XKR9: variants seen among roughly 807,000 people sequenced by gnomAD.
The protein encoded by XKR9 is XK related 9.
Under a neutral mutation model 32.0 loss-of-function variants are expected in XKR9, and 32 were observed. The ratio of observed to expected loss-of-function variants is 1.00; its 90% CI spans 0.76 to 1.34. XKR9 has a LOEUF of 1.34. XKR9 is among the 40% of genes most tolerant of loss of function. The pLI is 0.00. For synonymous variants in XKR9, 168 were observed against 143.4 expected (o/e 1.17, Z -1.22); for missense variants, 546 against 429.7 (o/e 1.27, Z -2.39).
the XKR9 span, among the ~76,000 whole-genome samples, chr8:70,818,785 A>T: frequency 3.9e-5 from 6 of 152,206 alleles, no homozygotes; most frequent in Non-Finnish European, 7.3e-5. Context: ...CTGCTAAGTC[A>T]TTACTAGGGA....
chr8:70,751,153 G>A (rs1300229805), intron 2 of XKR9, among the ~76,000 whole-genome samples: 3 of 152,128 alleles, frequency 2.0e-5, no homozygotes, highest in African/African-American at 7.2e-5. Context: ...TTTTGAGATG[G>A]AATCTCACTC....
the XKR9 span, among the ~76,000 whole-genome samples, chr8:70,932,537 A>G: frequency 3.3e-5 from 5 of 152,128 alleles, no homozygotes; most frequent in Admixed American, 2.6e-4. Context: ...AATTGCATGG[A>G]CCACTTCTGT....
chr8:71,042,507 C>T, the XKR9 span, among the ~76,000 whole-genome samples: 3 of 152,108 alleles, frequency 2.0e-5, no homozygotes, highest in Non-Finnish European at 4.4e-5. Flanking sequence ...GTCCCTACTG[C>T]AGGATGGCTA....
At chr8:70,727,103 G>A (rs1323583939) in intron 4 of XKR9, among the ~76,000 whole-genome samples, 1 of 152,022 alleles carries the variant, frequency 6.6e-6, no homozygotes, top group Non-Finnish European at 1.5e-5. Context: ...CTATATGGCT[G>A]GTATTATGGT....
chr8:70,815,516 T>TATTTATTTATTC, the XKR9 span, among the ~76,000 whole-genome samples: 1 of 149,562 alleles, frequency 6.7e-6, no homozygotes, highest in Non-Finnish European at 1.5e-5. Flanking sequence ...TTATTTTATT[T>TATTTATTTATTC]ATTTATTTAT....
At chr8:70,736,024 C>A (rs189406690), downstream of XKR9, 2 of 152,258 alleles carry the variant, frequency 1.3e-5, no homozygotes, top group East Asian at 1.9e-4. Flanking sequence ...TTCTAGATCC[C>A]TGAGGAATCA....
the XKR9 span, among the ~76,000 whole-genome samples, chr8:70,846,922 C>T: frequency 6.6e-6 from 1 of 151,954 alleles, no homozygotes; most frequent in African/African-American, 2.4e-5. Context: ...CAGCTTTAGA[C>T]AAATCATCTA....
At chr8:70,857,876 C>G in the XKR9 span, among the ~76,000 whole-genome samples, 4 of 152,238 alleles carry the variant, frequency 2.6e-5, no homozygotes, top group South Asian at 8.3e-4. Flanking sequence ...ACGTGATTAT[C>G]TCAATAGATG....
the XKR9 span, among the ~76,000 whole-genome samples, chr8:70,983,105 A>G: frequency 6.6e-6 from 1 of 152,240 alleles, no homozygotes; most frequent in Admixed American, 6.5e-5. Context: ...ATTACAGTGT[A>G]TCAGTAAACT....
chr8:70,857,958 A>T, the XKR9 span, among the ~76,000 whole-genome samples: 1 of 152,164 alleles, frequency 6.6e-6, no homozygotes, highest in Non-Finnish European at 1.5e-5. Flanking sequence ...TATTGATGGG[A>T]CGCATCTCAA....
the XKR9 span, among the ~76,000 whole-genome samples, chr8:70,944,345 AAC>A: frequency 2.0e-5 from 3 of 152,232 alleles, no homozygotes; most frequent in African/African-American, 7.2e-5. Flanking sequence ...GATTTTGCCA[AAC>A]ACAGAAAATC....
At chr8:71,050,120 C>A in the XKR9 span, among the ~76,000 whole-genome samples, 1 of 151,436 alleles carries the variant, frequency 6.6e-6, no homozygotes, top group Non-Finnish European at 1.5e-5. Flanking sequence ...AATTATTTAA[C>A]CTTTCTGTGT....
chr8:70,887,632 G>C, the XKR9 span, among the ~76,000 whole-genome samples: 1 of 151,972 alleles, frequency 6.6e-6, no homozygotes, highest in African/African-American at 2.4e-5. Context: ...CCTTGAAGAG[G>C]TCCTTCACGT....
intron 2 of XKR9, among the ~76,000 whole-genome samples, chr8:70,755,087 A>T (rs1352232366): frequency 6.6e-6 from 1 of 152,236 alleles, no homozygotes; most frequent in Non-Finnish European, 1.5e-5. Context: ...ACCCCATCAA[A>T]AAGTGGCAAA....
At chr8:70,743,127 G>A (rs184623848) in intron 2 of XKR9, among the ~76,000 whole-genome samples, 2 of 151,984 alleles carry the variant, frequency 1.3e-5, no homozygotes, top group Admixed American at 6.6e-5. Context: ...TCTTTAGATT[G>A]GAGTTTTCTT....
chr8:70,845,694 G>A, the XKR9 span, among the ~76,000 whole-genome samples: 16 of 151,950 alleles, frequency 1.1e-4, no homozygotes, highest in Admixed American at 1.0e-3. Flanking sequence ...AACAGAAGAA[G>A]CAAATTCAGA....
chr8:70,896,255 T>G, the XKR9 span, among the ~76,000 whole-genome samples: 17 of 152,300 alleles, frequency 1.1e-4, no homozygotes, highest in South Asian at 3.3e-3. Context: ...CCTCCTGCAT[T>G]TTCTAGAAGA....
intron 4 of XKR9, among the ~76,000 whole-genome samples, chr8:70,731,679 A>C (rs916082325): frequency 6.6e-6 from 1 of 152,090 alleles, no homozygotes; most frequent in Non-Finnish European, 1.5e-5. Flanking sequence ...GGGAAGGATG[A>C]CCTCTGAATG....
At chr8:70,775,987 C>A (rs1309269020) in intron 2 of XKR9, among the ~76,000 whole-genome samples, 1 of 152,052 alleles carries the variant, frequency 6.6e-6, no homozygotes, top group Non-Finnish European at 1.5e-5. Flanking sequence ...CTTAAACAAT[C>A]CTCCCATCTC....
Sources: allele counts gnomAD v4.1 joint callset (sites outside exome capture counted in the v4.1 genomes callset), GRCh38; gene constraint gnomAD v4.1.1; transcripts MANE v1.5; gene names NCBI Gene and HGNC (gene_info 2026-07-23, HGNC 2026-07-21).